The following MAP4K5 variants were observed in gnomAD, a reference collection of about 807,000 sequenced individuals.
MAP4K5 encodes MAPK/ERK kinase kinase kinase 5.
A neutral mutation model predicts 135.6 loss-of-function variants in MAP4K5; 82 were observed. That is an observed-to-expected ratio of 0.60 (90% CI 0.51 to 0.73). The LOEUF (loss-of-function observed/expected upper bound fraction) is 0.73, where lower values mean the gene tolerates loss of function less well. Ranked by LOEUF, MAP4K5 falls within the 30% of genes least tolerant of loss-of-function variation. The probability of loss-of-function intolerance (pLI) is 0.00; values close to 1 mark genes in which losing one functional copy is unlikely to be tolerated. For missense variants in MAP4K5, 907 were observed against 1,010.9 expected, an observed-to-expected ratio of 0.90 and a Z score of 1.39; for synonymous variants, 347 against 335.0, an observed-to-expected ratio of 1.04 and a Z score of -0.39.
chr14:50,539,651 G>A (rs2038536392), intron 2 of MAP4K5, among the ~76,000 whole-genome samples: 1 of 152,208 alleles, frequency 6.6e-6, no homozygotes, highest in South Asian at 2.1e-4. Context: ...TTAAACATGA[G>A]TTAGAAGAAA....
chr14:50,485,702 T>C, intron 4 of MAP4K5, 60 bp from the exon 5 acceptor site: 3 of 1,036,578 alleles, frequency 2.9e-6, no homozygotes, highest in South Asian at 1.4e-5. Flanking sequence ...TGAAATACTC[T>C]AAGGCTCTCA....
intron 2 of MAP4K5, among the ~76,000 whole-genome samples, chr14:50,506,151 CT>C (rs1007503220): frequency 6.6e-6 from 1 of 151,686 alleles, no homozygotes; most frequent in African/African-American, 2.4e-5. Context: ...TATAGTTATA[CT>C]AATCTGCCAA....
intron 4 of MAP4K5, 76 bp from the exon 5 acceptor site, chr14:50,485,718 T>G: frequency 1.1e-6 from 1 of 874,514 alleles, no homozygotes; most frequent in South Asian, 1.6e-5. Context: ...TCTCACTCTT[T>G]AGCACACCAG....
chr14:50,422,405 T>C (rs934668859), intron 32 of MAP4K5, among the ~76,000 whole-genome samples: 3 of 152,170 alleles, frequency 2.0e-5, no homozygotes, highest in African/African-American at 7.2e-5. Flanking sequence ...TATCTAAAAC[T>C]TAAGCAATGT....
At chr14:50,428,628 T>A in intron 30 of MAP4K5, 34 bp downstream of exon 30, 1 of 1,155,774 alleles carries the variant, frequency 8.7e-7, no homozygotes, top group Non-Finnish European at 1.2e-6. Flanking sequence ...TCATTAAGTA[T>A]CGCAAACTGA....
At chr14:50,476,577 CCGCCT>C (rs1174576791) in intron 6 of MAP4K5, among the ~76,000 whole-genome samples, 2 of 152,198 alleles carry the variant, frequency 1.3e-5, no homozygotes, top group South Asian at 4.1e-4. Context: ...TCACTTGCCT[CCGCCT>C]CCCAAGTAGC....
chr14:50,431,536 AATG>A (rs2035970673), intron 28 of MAP4K5, among the ~76,000 whole-genome samples: 1 of 152,102 alleles, frequency 6.6e-6, no homozygotes. Flanking sequence ...GTTTACTGAG[AATG>A]ATGATTTCCA....
Position 50,438,062 on chromosome 14 carries a change from C to T in MAP4K5, c.1708+30G>A, listed in dbSNP as rs759390651. 20 of 1,017,520 alleles carry T rather than the reference C, an allele frequency of 2.0e-5. No homozygotes were observed. The South Asian group carries it at 2.3e-4, about 12-fold the overall frequency. 63.0% of individuals were successfully genotyped at this position (1,017,520 alleles called of 1,614,324 possible). A position where few individuals can be genotyped will look rare whatever the true frequency, so the allele number is the denominator to read the frequency against. On this transcript the variant is annotated intron_variant, in intron 24 of 32. Transcript: ENST00000682126. Reference sequence around the variant, plus strand: ...GAGAATCATTTACAGCAGAGAAATACAATTTTCGAGAAAAAGAAAACGTAA... The same window carrying T: ...GAGAATCATTTACAGCAGAGAAATATAATTTTCGAGAAAAAGAAAACGTAA...
chr14:50,504,665 C>T (rs769302582), intron 3 of MAP4K5, 135 bp downstream of exon 3: 81 of 649,058 alleles, frequency 1.2e-4, no homozygotes, highest in Admixed American at 1.8e-4. Flanking sequence ...TTTAACTAAC[C>T]ACCTTCAGGG....
At chr14:50,482,632 C>CCAAGTG in intron 5 of MAP4K5, 5 of 371,902 alleles carry the variant, frequency 1.3e-5, no homozygotes, top group Non-Finnish European at 2.4e-5. Flanking sequence ...CAAAAATTGG[C>CCAAGTG]TGGGCATGGT....
intron 3 of MAP4K5, among the ~76,000 whole-genome samples, chr14:50,499,102 A>G (rs2037653026): frequency 6.6e-6 from 1 of 152,124 alleles, no homozygotes; most frequent in Admixed American, 6.5e-5. Context: ...CTAAAAGTCC[A>G]CTGATTTTCC....
At chr14:50,477,408 G>A (rs1047011757) in intron 6 of MAP4K5, among the ~76,000 whole-genome samples, 2 of 152,134 alleles carry the variant, frequency 1.3e-5, no homozygotes, top group Admixed American at 6.5e-5. Context: ...TGATGATGTG[G>A]TCTGTGAATA....
intron 1 of MAP4K5, among the ~76,000 whole-genome samples, chr14:50,553,168 T>G (rs1256800630): frequency 6.6e-6 from 1 of 151,142 alleles, no homozygotes; most frequent in Non-Finnish European, 1.5e-5. Context: ...TGGTGGTGTG[T>G]GCCTGTAGTC....
At position 50,419,805 on chromosome 14, in the gene MAP4K5, A is replaced by G. The variant is rs117443776; in HGVS notation, c.*214T>C. The G allele has an allele frequency of 1.7e-3, 745 of 450,194 alleles. 3 individuals are homozygous for G. The East Asian group carries it at 0.023, about 14-fold the overall frequency. The allele number at this position is 450,194 out of a possible 1,614,324, so 27.9% of individuals were successfully genotyped here. A position where few individuals can be genotyped will look rare whatever the true frequency, so the allele number is the denominator to read the frequency against. ...ACTATTTGTCTCATAGCTTTTATTA[A>G]GCAAACTTGATATAACCACCACACA... On this transcript the variant is annotated 3_prime_UTR_variant, in exon 33 of 33. Transcript: ENST00000682126.
chr14:50,429,785 A>T lies in MAP4K5; in HGVS notation c.2165-525T>A, dbSNP rs2139647569. On this transcript the variant is annotated intron_variant, in intron 28 of 32. Coordinates refer to ENST00000682126, the MANE Select transcript of MAP4K5 (RefSeq NM_006575.6). Reference sequence around the variant, plus strand: ...GGGTGGGAGTTCTTTTACAAAGAGGACACTGAGTAACATAATGAACAATAT... The same window carrying T: ...GGGTGGGAGTTCTTTTACAAAGAGGTCACTGAGTAACATAATGAACAATAT... Among the ~76,000 whole-genome samples the T allele has an allele frequency of 1.3e-5, 2 of 152,298 alleles. 1 individual carries two copies. The highest frequency in any genetic ancestry group is 4.1e-4 in the South Asian group (2 of 4,824).
chr14:50,427,079 T>G (rs1395547587), intron 30 of MAP4K5, among the ~76,000 whole-genome samples: 1 of 152,092 alleles, frequency 6.6e-6, no homozygotes, highest in African/African-American at 2.4e-5. Flanking sequence ...TTTTAAGAGG[T>G]GTTGTAAAGG....
intron 16 of MAP4K5, 51 bp downstream of exon 16, chr14:50,447,363 G>T: frequency 8.8e-7 from 1 of 1,137,022 alleles, no homozygotes; most frequent in Non-Finnish European, 1.3e-6. Context: ...GCCCCATACT[G>T]TTCTTATGTA....
At chr14:50,479,295 T>G (rs1025341935) in intron 6 of MAP4K5, among the ~76,000 whole-genome samples, 1 of 152,090 alleles carries the variant, frequency 6.6e-6, no homozygotes, top group South Asian at 2.1e-4. Context: ...ATGATACTCT[T>G]CACTTATAAA....
At chr14:50,474,695 T>C (rs1366034619) in intron 9 of MAP4K5, among the ~76,000 whole-genome samples, 1 of 152,132 alleles carries the variant, frequency 6.6e-6, no homozygotes, top group Non-Finnish European at 1.5e-5. Context: ...CACGTTTACC[T>C]ATGTAACAAA....
Sources: gnomAD v4.1 joint callset for allele counts (sites outside exome capture counted in the v4.1 genomes callset) on GRCh38, gnomAD v4.1.1 for gene constraint, MANE v1.5 for transcripts, NCBI Gene and HGNC (gene_info 2026-07-23, HGNC 2026-07-21) for gene names.